Variants in PCDHA5 observed in about 807,000 individuals in gnomAD.
PCDHA5 encodes the protein protocadherin alpha 5, also known as protocadherin alpha-5.
Under a neutral mutation model 61.6 loss-of-function variants are expected in PCDHA5, and 43 were observed. The ratio of observed to expected loss-of-function variants is 0.70; its 90% CI spans 0.55 to 0.90. The LOEUF is 0.90. Among genes scored for constraint, PCDHA5 ranks in the 40% least tolerant of loss-of-function variants. The pLI, the probability that PCDHA5 is intolerant of heterozygous loss-of-function variation, is 0.00. For synonymous variants in PCDHA5, 627 were observed against 543.9 expected (o/e 1.15, Z -2.13); for missense variants, 1,298 against 1,222.7 (o/e 1.06, Z -0.92).
intron 1 of PCDHA5, chr5:140,883,942 G>A (rs1223058684): frequency 1.9e-6 from 3 of 1,613,328 alleles, no homozygotes; most frequent in African/African-American, 2.7e-5. Context: ...TGCTGGACGA[G>A]AACGACAACG....
At chr5:141,004,434 G>T (rs1383958111) in intron 3 of PCDHA5, among the ~76,000 whole-genome samples, 2 of 152,186 alleles carry the variant, frequency 1.3e-5, no homozygotes, top group Non-Finnish European at 2.9e-5. Flanking sequence ...TGGAGTTTAG[G>T]CTGAGTCATA....
chr5:140,955,951 T>C (rs529805581), intron 1 of PCDHA5, among the ~76,000 whole-genome samples: 12 of 152,248 alleles, frequency 7.9e-5, no homozygotes, highest in South Asian at 2.1e-4. Context: ...GTCTACTTGC[T>C]TGTTGTTTGT....
intron 1 of PCDHA5, among the ~76,000 whole-genome samples, chr5:140,915,441 A>G (rs2077120331): frequency 6.6e-6 from 1 of 152,052 alleles, no homozygotes; most frequent in African/African-American, 2.4e-5. Context: ...GTCCTTCTTG[A>G]GAAGGTTTTC....
chr5:140,885,096 A>G (rs2060465078), intron 1 of PCDHA5, among the ~76,000 whole-genome samples: 1 of 152,160 alleles, frequency 6.6e-6, no homozygotes, highest in Non-Finnish European at 1.5e-5. Flanking sequence ...AACTTTTCAC[A>G]TAAATGCTTT....
intron 1 of PCDHA5, chr5:140,828,939 G>A: frequency 6.2e-7 from 1 of 1,614,232 alleles, no homozygotes; most frequent in Non-Finnish European, 8.5e-7. Context: ...TCTTTTAATA[G>A]CCTTGTTGCA....
chr5:141,000,416 TATA>T lies in PCDHA5; in HGVS notation c.2501-9210_2501-9208del, dbSNP rs1254571264. Among the ~76,000 whole-genome samples the T allele has an allele frequency of 5.1e-3, 472 of 93,246 alleles. 2 individuals carry two copies. Among genetic ancestry groups the T allele is most frequent in the Non-Finnish European group, 6.8e-3 (330 of 48,634 alleles). 61.2% of individuals were successfully genotyped at this position (93,246 alleles called of 152,430 possible). On this transcript the variant is annotated intron_variant, in intron 3 of 3. Transcript: ENST00000529859. ...CTCTCTATATATATATATATATATA[TATA>T]TATTTTTTTTTTTTTTTTTTTTTTT...
chr5:140,862,898 CTG>C, intron 1 of PCDHA5: 2 of 555,934 alleles, frequency 3.6e-6, no homozygotes, highest in Non-Finnish European at 3.5e-6. Context: ...ACAACTTTGT[CTG>C]CGCTGCTGGC....
rs762916391 is a variant in PCDHA5, at chr5:140,927,929, C to T, written c.2353-51020C>T. 13 of 1,614,090 alleles carry T rather than the reference C, an allele frequency of 8.1e-6. No homozygotes were observed. The highest frequency in any genetic ancestry group is 5.0e-5 in the Admixed American group (3 of 60,008). ...CCCGAACTGGACTTCCTGACTCTTT[C>T]GAACCCAGTACCTGAGGACGCTGCC... On this transcript the variant is annotated intron_variant, in intron 1 of 3. Transcript: ENST00000529859.
chr5:140,875,305 C>T, intron 1 of PCDHA5: 1 of 1,420,254 alleles, frequency 7.0e-7, no homozygotes, highest in South Asian at 1.6e-5. Context: ...TTTCTCCGCA[C>T]CCACATTCCA....
intron 1 of PCDHA5, chr5:140,868,490 A>G (rs1383994336): frequency 6.6e-6 from 1 of 152,330 alleles, no homozygotes; most frequent in African/African-American, 2.4e-5. Flanking sequence ...TTTTTCTTTG[A>G]GTTCCCTAGC....
chr5:140,823,390 G>A lies in PCDHA5; in HGVS notation c.1615G>A (p.Ala539Thr), dbSNP rs371642015. 6.2e-7 allele frequency: 1 copy of A among 1,612,906 alleles called. No homozygotes were observed. The highest frequency in any genetic ancestry group is 8.5e-7 in the Non-Finnish European group (1 of 1,179,822). Reference sequence around the variant, plus strand: ...GCAGTTCCAGGTGAGCGCGCGCGACGCGGGCGTGCCGCCTCTGGGCAGCAA... The same window carrying A: ...GCAGTTCCAGGTGAGCGCGCGCGACACGGGCGTGCCGCCTCTGGGCAGCAA... ...LLQFQVSARD[A>T]GVPPLGSNVT... Residue 539 changes from alanine (A) to threonine (T), a missense_variant, in exon 1 of 4, where the codon GCG becomes ACG. Transcript: ENST00000529859.
chr5:140,884,176 T>C, intron 1 of PCDHA5: 1 of 1,613,372 alleles, frequency 6.2e-7, no homozygotes, highest in South Asian at 1.1e-5. Flanking sequence ...CGACGCGCCC[T>C]CTGGACGAGG....
At chr5:140,986,031 G>A (rs1443664535) in intron 3 of PCDHA5, among the ~76,000 whole-genome samples, 5 of 152,198 alleles carry the variant, frequency 3.3e-5, no homozygotes, top group South Asian at 2.1e-4. Flanking sequence ...GAGCCACTGC[G>A]CCTGGCCTCA....
intron 1 of PCDHA5, chr5:140,862,594 A>G: frequency 2.0e-6 from 1 of 509,532 alleles, no homozygotes; most frequent in Non-Finnish European, 4.0e-6. Flanking sequence ...GCCCGAGTAC[A>G]TGGTGTTCGT....
At chr5:140,991,417 C>G (rs782178829) in intron 3 of PCDHA5, among the ~76,000 whole-genome samples, 79 of 152,196 alleles carry the variant, frequency 5.2e-4, no homozygotes, top group Admixed American at 1.5e-3. Context: ...TATGCTATAA[C>G]AAATTAACCA....
intron 1 of PCDHA5, among the ~76,000 whole-genome samples, chr5:140,917,473 C>G (rs1355146896): frequency 1.3e-5 from 2 of 152,196 alleles, no homozygotes; most frequent in Admixed American, 1.3e-4. Flanking sequence ...GTCATGAAAT[C>G]TTTGCCAGGG....
chr5:140,952,712 C>A (rs567610262), intron 1 of PCDHA5, among the ~76,000 whole-genome samples: 3 of 152,298 alleles, frequency 2.0e-5, no homozygotes, highest in Middle Eastern at 3.4e-3. Context: ...CTCTCAGTAT[C>A]AATTTTCTGT....
intron 1 of PCDHA5, chr5:140,836,897 G>C: frequency 3.3e-6 from 2 of 603,578 alleles, no homozygotes; most frequent in Non-Finnish European, 5.5e-6. Flanking sequence ...TTGGAAGTAC[G>C]TTTAATATAC....
chr5:140,966,924 C>T (rs1554228895), intron 1 of PCDHA5: 2 of 1,602,624 alleles, frequency 1.2e-6, no homozygotes, highest in Admixed American at 1.7e-5. Context: ...GAGGAGCAGG[C>T]ACCCGGCGCG....
Sources: allele counts gnomAD v4.1 joint callset (sites outside exome capture counted in the v4.1 genomes callset), GRCh38; gene constraint gnomAD v4.1.1; transcripts MANE v1.5; gene names NCBI Gene and HGNC (gene_info 2026-07-23, HGNC 2026-07-21).